Variants in PDS5A observed in about 807,000 individuals in gnomAD.
The protein encoded by PDS5A is PDS5 cohesin associated factor A.
In PDS5A, 42 loss-of-function variants were observed where a neutral mutation model predicts 167.1. The ratio of observed to expected loss-of-function variants is 0.25; its 90% CI spans 0.20 to 0.33. PDS5A has a LOEUF of 0.33. PDS5A is among the 10% of genes least tolerant of loss of function. The pLI is 1.00. For synonymous variants in PDS5A, 553 were observed against 554.6 expected (o/e 1.00, Z 0.04); for missense variants, 1,033 against 1,605.9 (o/e 0.64, Z 6.10).
chr4:39,960,303 AC>A (rs1328159818), intron 2 of PDS5A, among the ~76,000 whole-genome samples: 1 of 152,112 alleles, frequency 6.6e-6, no homozygotes, highest in Non-Finnish European at 1.5e-5. Flanking sequence ...AAACAAAAAA[AC>A]ACATATATTA....
chr4:39,954,008 A>C (rs1293078039), intron 2 of PDS5A, among the ~76,000 whole-genome samples: 1 of 152,088 alleles, frequency 6.6e-6, no homozygotes, highest in Non-Finnish European at 1.5e-5. Flanking sequence ...AACAAAACCC[A>C]ATAGGCCCCA....
intron 2 of PDS5A, among the ~76,000 whole-genome samples, chr4:39,947,611 T>C (rs574957374): frequency 6.6e-6 from 1 of 152,246 alleles, no homozygotes; most frequent in African/African-American, 2.4e-5. Flanking sequence ...CTAATAACCT[T>C]AAAACAAACA....
At chr4:39,868,718 G>A (rs759406724) in intron 22 of PDS5A, 9 of 453,592 alleles carry the variant, frequency 2.0e-5, no homozygotes, top group African/African-American at 6.0e-5. Flanking sequence ...CGATCCTCCT[G>A]CTCTGCCTCC....
intron 10 of PDS5A, among the ~76,000 whole-genome samples, chr4:39,909,460 G>C (rs1723707645): frequency 6.6e-6 from 1 of 151,812 alleles, no homozygotes; most frequent in Non-Finnish European, 1.5e-5. Flanking sequence ...CAGTTATCCT[G>C]GAAAAGTCAA....
At chr4:39,832,076 C>T (rs1458965541) in intron 32 of PDS5A, among the ~76,000 whole-genome samples, 1 of 151,406 alleles carries the variant, frequency 6.6e-6, no homozygotes, top group African/African-American at 2.4e-5. Flanking sequence ...CGAGATCTCA[C>T]CATTGTACTC....
chr4:39,908,605 G>C, intron 10 of PDS5A, 65 bp from the exon 11 acceptor site: 1 of 979,944 alleles, frequency 1.0e-6, no homozygotes. Flanking sequence ...ATTTAGAATG[G>C]CAAGAACAGA....
At chr4:39,970,360 T>C (rs1264062657) in intron 2 of PDS5A, among the ~76,000 whole-genome samples, 1 of 151,442 alleles carries the variant, frequency 6.6e-6, no homozygotes, top group African/African-American at 2.4e-5. Context: ...TAGGAAAACA[T>C]ATCTTAGCTC....
chr4:39,840,273 G>A (rs2109490930), intron 31 of PDS5A, among the ~76,000 whole-genome samples: 1 of 152,308 alleles, frequency 6.6e-6, no homozygotes, highest in South Asian at 2.1e-4. Context: ...AAAAAATTAA[G>A]AAATTGGGTT....
chr4:39,931,880 T>A (rs1726101422), intron 2 of PDS5A, among the ~76,000 whole-genome samples: 1 of 150,592 alleles, frequency 6.6e-6, no homozygotes, highest in South Asian at 2.1e-4. Context: ...ACTCTGGATT[T>A]GGTCAGGTGA....
At chr4:39,920,291 T>C (rs771232133) in intron 7 of PDS5A, 28 bp downstream of exon 7, 4 of 963,568 alleles carry the variant, frequency 4.2e-6, no homozygotes, top group Admixed American at 4.7e-5. Flanking sequence ...TTACAAAATA[T>C]AGAATAAACA....
At chr4:39,873,832 C>T (rs1363754409) in intron 20 of PDS5A, among the ~76,000 whole-genome samples, 1 of 151,946 alleles carries the variant, frequency 6.6e-6, no homozygotes, top group Non-Finnish European at 1.5e-5. Flanking sequence ...TCGCTTCAGT[C>T]CAGGAGTTTG....
chr4:39,907,617 C>T (rs190993295), intron 11 of PDS5A, among the ~76,000 whole-genome samples: 71 of 147,226 alleles, frequency 4.8e-4, no homozygotes, highest in Middle Eastern at 3.5e-3. Context: ...GACAGAGTCT[C>T]GCTTTGTCAC....
intron 2 of PDS5A, among the ~76,000 whole-genome samples, chr4:39,969,977 G>C (rs1373367770): frequency 1.6e-5 from 2 of 127,194 alleles, no homozygotes; most frequent in African/African-American, 3.0e-5. Context: ...TTTTTTTTTT[G>C]AGACAGAGTC....
intron 32 of PDS5A, among the ~76,000 whole-genome samples, chr4:39,832,496 C>T (rs1277224140): frequency 2.0e-5 from 3 of 151,966 alleles, no homozygotes; most frequent in African/African-American, 2.4e-5. Context: ...CATGAGCCAC[C>T]GTTCCTGGCT....
intron 20 of PDS5A, 29 bp from the exon 21 acceptor site, chr4:39,873,173 A>C (rs1039750260): frequency 7.2e-6 from 10 of 1,389,998 alleles, no homozygotes; most frequent in Admixed American, 2.2e-5. Context: ...CAAAATTACC[A>C]ATTTGTTTGA....
chr4:39,885,301 G>A (rs909153945), intron 17 of PDS5A, among the ~76,000 whole-genome samples: 2 of 142,086 alleles, frequency 1.4e-5, no homozygotes, highest in Non-Finnish European at 1.5e-5. Context: ...AAGGAGAAGA[G>A]AAGAGAAGAG....
At chr4:39,956,722 G>A (rs1728957720) in intron 2 of PDS5A, among the ~76,000 whole-genome samples, 1 of 151,560 alleles carries the variant, frequency 6.6e-6, no homozygotes, top group South Asian at 2.1e-4. Context: ...ACCCAGGCTG[G>A]AGTGCTGCGG....
At chr4:39,863,564 T>C (rs1168401591) in intron 23 of PDS5A, 105 bp from the exon 24 acceptor site, 1 of 717,900 alleles carries the variant, frequency 1.4e-6, no homozygotes, top group Non-Finnish European at 2.2e-6. Flanking sequence ...ATAATTTATG[T>C]TTAAAATGAC....
At chr4:39,881,108 A>G (rs1011517429) in intron 17 of PDS5A, among the ~76,000 whole-genome samples, 4 of 151,948 alleles carry the variant, frequency 2.6e-5, no homozygotes, top group Non-Finnish European at 4.4e-5. Context: ...CTCCAATGCC[A>G]TTCATATTGC....
Sources: gnomAD v4.1 joint callset for allele counts (sites outside exome capture counted in the v4.1 genomes callset) on GRCh38, gnomAD v4.1.1 for gene constraint, MANE v1.5 for transcripts, NCBI Gene and HGNC (gene_info 2026-07-23, HGNC 2026-07-21) for gene names.